Variants in RAP1GAP observed in about 807,000 individuals in gnomAD.
RAP1GAP encodes the protein rap1 GTPase-activating protein 1.
Under a neutral mutation model 87.2 loss-of-function variants are expected in RAP1GAP, and 35 were observed. That is an observed-to-expected ratio of 0.40 (90% CI 0.31 to 0.53). The LOEUF (loss-of-function observed/expected upper bound fraction) is 0.53, where lower values mean the gene tolerates loss of function less well. Ranked by LOEUF, RAP1GAP falls within the 20% of genes least tolerant of loss-of-function variation. The probability of loss-of-function intolerance (pLI) is 0.48; values close to 1 mark genes in which losing one functional copy is unlikely to be tolerated. For missense variants in RAP1GAP, 734 were observed against 898.9 expected (o/e 0.82, Z 2.35); for synonymous variants, 375 against 363.9 (o/e 1.03, Z -0.35).
intron 2 of RAP1GAP, among the ~76,000 whole-genome samples, chr1:21,644,926 A>G (rs2095886764): frequency 7.4e-6 from 1 of 136,022 alleles, no homozygotes; most frequent in Admixed American, 7.1e-5. Flanking sequence ...AAAAAGAGAA[A>G]AGAAAGAAAG....
Position 21,649,283 on chromosome 1 carries a change from G to A in RAP1GAP, c.-113+478C>T, listed in dbSNP as rs1002850071. ...GGGGTTCTGAGGGCTGTCGGGGGGA[G>A]TAACTAGAGGATTTGGGGGTCAGTA... is the stretch of plus-strand genomic sequence containing the variant. On this transcript the variant is annotated intron_variant, in intron 2 of 24. Transcript: ENST00000374765. Among the ~76,000 whole-genome samples, 42 of 152,270 alleles carry A rather than the reference G, an allele frequency of 2.8e-4. 1 individual carries two copies. The highest frequency in any genetic ancestry group is 8.9e-4 in the African/African-American group (37 of 41,554).
Position 21,637,190 on chromosome 1 carries a change from T to C in RAP1GAP, c.-112-10793A>G, listed in dbSNP as rs1415057303. On this transcript the variant is annotated intron_variant, in intron 2 of 24. Transcript: ENST00000374765. ...GTGGTGGTTGGGGGCAGGGTCTCACTTTGTCGCCCAGGGTGGAGTGCAGTG... is the reference window on the plus strand; with the variant it reads ...GTGGTGGTTGGGGGCAGGGTCTCACCTTGTCGCCCAGGGTGGAGTGCAGTG... 2.0e-5 allele frequency among the ~76,000 whole-genome samples: 3 copies of C among 150,156 alleles called. No homozygotes were observed. The East Asian group carries it at 5.8e-4, about 29-fold the overall frequency.
intron 7 of RAP1GAP, among the ~76,000 whole-genome samples, chr1:21,614,413 C>T (rs1174046074): frequency 1.3e-5 from 2 of 152,184 alleles, no homozygotes; most frequent in African/African-American, 4.8e-5. Context: ...TGGGTAGTAA[C>T]GCTGGATCTC....
At chr1:21,628,318 C>T (rs988821682) in intron 2 of RAP1GAP, among the ~76,000 whole-genome samples, 3 of 146,054 alleles carry the variant, frequency 2.1e-5, no homozygotes, top group Non-Finnish European at 3.0e-5. Flanking sequence ...TTTGGGAGGC[C>T]AAGGCGGGCA....
Position 21,669,289 on chromosome 1 carries a change from ACT to A in RAP1GAP, c.-186_-185del. ...GGGCCGGGGGCGTCCTGGGCTCGGCACTCTGGTGCCCGCGGCCGCCGCTGCAG... is the reference window on the plus strand; with the variant it reads ...GGGCCGGGGGCGTCCTGGGCTCGGCACTGGTGCCCGCGGCCGCCGCTGCAG... On this transcript the variant is annotated 5_prime_UTR_variant, in exon 1 of 25. Coordinates refer to ENST00000374765, the MANE Select transcript of RAP1GAP (RefSeq NM_002885.4). The surrounding 1 kb of genome is among the most constrained non-coding windows in gnomAD (Gnocchi z 5.6). 8.4e-7 allele frequency: 1 copy of A among 1,185,532 alleles called. No individual in the cohort carries two copies. The highest frequency in any genetic ancestry group is 1.1e-6 in the Non-Finnish European group (1 of 948,646). 73.4% of individuals were successfully genotyped at this position (1,185,532 alleles called of 1,614,324 possible).
In RAP1GAP at chr1:21,609,420, G is replaced by T. The variant is rs968664568; in HGVS notation, c.1071+155C>A. 2.0e-5 allele frequency among the ~76,000 whole-genome samples: 3 copies of T among 150,768 alleles called. No individual in the cohort carries two copies. Among genetic ancestry groups the T allele is most frequent in the Non-Finnish European group, 4.4e-5 (3 of 67,860 alleles). ...AAAAAAAAAAAGGTGTTTTCAAGAT[G>T]AATGGAAAAGCCAGGCCCCGGTTGC... On this transcript the variant is annotated intron_variant, in intron 15 of 24. Transcript: ENST00000374765. This position sits in a 1 kb window ranked among gnomAD's most constrained non-coding sequence, Gnocchi z 4.4.
intron 3 of RAP1GAP, among the ~76,000 whole-genome samples, chr1:21,625,060 T>C (rs1211083209): frequency 6.6e-6 from 1 of 152,218 alleles, no homozygotes; most frequent in African/African-American, 2.4e-5. Flanking sequence ...TGCCCCAGTC[T>C]TGGGCTGTTG....
At position 21,613,959 on chromosome 1, in the gene RAP1GAP, A is replaced by G. The variant is rs2080180527; in HGVS notation, c.395+27T>C. 2.6e-6 allele frequency: 4 copies of G among 1,519,846 alleles called. No individual in the cohort carries two copies. Among genetic ancestry groups the G allele is most frequent in the African/African-American group, 2.7e-5 (2 of 72,922 alleles). The allele number at this position is 1,519,846 out of a possible 1,614,324, so 94.1% of individuals were successfully genotyped here. On this transcript the variant is annotated intron_variant, in intron 8 of 24. Coordinates refer to ENST00000374765, the MANE Select transcript of RAP1GAP (RefSeq NM_002885.4). This position sits in a 1 kb window ranked among gnomAD's most constrained non-coding sequence, Gnocchi z 4.7. ...TTGTAAGACCTCAGCCCTTCCTGCC[A>G]TCTCAGGACTCCCCCACCACCCTCA...
chr1:21,611,970 G>A, intron 11 of RAP1GAP, 56 bp downstream of exon 11: 1 of 1,486,550 alleles, frequency 6.7e-7, no homozygotes, highest in Non-Finnish European at 9.2e-7. Context: ...GAAAAGGTGT[G>A]AGGCTCCAGA....
In RAP1GAP at chr1:21,626,333, G is replaced by T. The variant is rs2092035870; in HGVS notation, c.-48C>A. On this transcript the variant is annotated 5_prime_UTR_variant, in exon 3 of 25. Transcript: ENST00000374765. ...GGGTAGAGTGAAGGAGTATAGGAGG[G>T]AACTAAGTTCACTCGTGACAGGTCT... 2 of 1,612,048 alleles carry T rather than the reference G, an allele frequency of 1.2e-6. No individual in the cohort carries two copies. Among genetic ancestry groups the T allele is most frequent in the Non-Finnish European group, 1.7e-6 (2 of 1,178,344 alleles).
rs75419868 is a variant in RAP1GAP at position 21,644,307 on chromosome 1, G to A, written c.-113+5454C>T. ...TTTTGGTTCAAACACCCCCTCTTCAGAAAGGCTTTCCAGGACTCCTTCATT... is the reference window on the plus strand; with the variant it reads ...TTTTGGTTCAAACACCCCCTCTTCAAAAAGGCTTTCCAGGACTCCTTCATT... On this transcript the variant is annotated intron_variant, in intron 2 of 24. Transcript: ENST00000374765. 1.6e-4 allele frequency among the ~76,000 whole-genome samples: 25 copies of A among 152,284 alleles called. 1 individual carries two copies. The East Asian group carries it at 4.1e-3, about 25-fold the overall frequency.
chr1:21,620,424 G>T (rs1259212114), intron 3 of RAP1GAP, among the ~76,000 whole-genome samples: 1 of 152,218 alleles, frequency 6.6e-6, no homozygotes, highest in Non-Finnish European at 1.5e-5. Flanking sequence ...TCTCCCGGAA[G>T]GGGGCAAGGC....
intron 3 of RAP1GAP, 117 bp from the exon 4 acceptor site, chr1:21,620,167 C>T (rs2085910036): frequency 9.3e-7 from 1 of 1,072,996 alleles, no homozygotes; most frequent in African/African-American, 1.6e-5. Flanking sequence ...AGGCACCTGT[C>T]TGAGTAGCAA....
chr1:21,600,834 G>A (rs556146883), intron 20 of RAP1GAP, among the ~76,000 whole-genome samples: 3 of 133,528 alleles, frequency 2.2e-5, no homozygotes, highest in Admixed American at 8.5e-5. Context: ...GCAGTGAGCC[G>A]AGATTGTGCC....
chr1:21,613,461 G>A lies in RAP1GAP; in HGVS notation c.474+167C>T, dbSNP rs1247918073. Among the ~76,000 whole-genome samples, 3 of 152,188 alleles carry A rather than the reference G, an allele frequency of 2.0e-5. No individual in the cohort carries two copies. The highest frequency in any genetic ancestry group is 4.4e-5 in the Non-Finnish European group (3 of 68,034). ...AGGGGACGGGGGCCTAGGAGAACAC[G>A]TGGCAGCCCAAGACACGATGGGAAC... is the stretch of plus-strand genomic sequence containing the variant. On this transcript the variant is annotated intron_variant, in intron 9 of 24. Coordinates refer to ENST00000374765, the MANE Select transcript of RAP1GAP (RefSeq NM_002885.4). This position sits in a 1 kb window ranked among gnomAD's most constrained non-coding sequence, Gnocchi z 4.7.
At chr1:21,640,826 C>T (rs2095450716) in intron 2 of RAP1GAP, among the ~76,000 whole-genome samples, 2 of 152,214 alleles carry the variant, frequency 1.3e-5, no homozygotes, top group South Asian at 4.1e-4. Context: ...GCCCAGCTCA[C>T]TTGAGACTCA....
chr1:21,608,954 G>A lies in RAP1GAP; in HGVS notation c.1072-18C>T, dbSNP rs376168355. On this transcript the variant is annotated intron_variant, in intron 15 of 24. Coordinates refer to ENST00000374765, the MANE Select transcript of RAP1GAP (RefSeq NM_002885.4). The stretch of plus-strand genomic sequence containing the variant: ...TCAGGCCCCTGGAAACTCCCAGTGT[G>A]GAGGAGATAAGGAAGGGAAGTTGAG... 1.1e-5 allele frequency: 18 copies of A among 1,596,156 alleles called. No individual in the cohort carries two copies. The highest frequency in any genetic ancestry group is 1.5e-5 in the Non-Finnish European group (17 of 1,163,750).
In RAP1GAP at chr1:21,634,110, G is replaced by A. The variant is rs896930304; in HGVS notation, c.-112-7713C>T. On this transcript the variant is annotated intron_variant, in intron 2 of 24. Coordinates refer to ENST00000374765, the MANE Select transcript of RAP1GAP (RefSeq NM_002885.4). This position sits in a 1 kb window ranked among gnomAD's most constrained non-coding sequence, Gnocchi z 4.1. ...CATTGTTTTCTGAGCTCAACCAGCC[G>A]GCACTGCCCTCCCCTTGGCTTGCCC... Among the ~76,000 whole-genome samples the A allele has an allele frequency of 2.0e-4, 30 of 151,234 alleles. No individual in the cohort carries two copies. The highest frequency in any genetic ancestry group is 6.6e-4 in the African/African-American group (27 of 40,992).
chr1:21,629,624 G>A (rs1249752464), intron 2 of RAP1GAP, among the ~76,000 whole-genome samples: 1 of 152,236 alleles, frequency 6.6e-6, no homozygotes, highest in Non-Finnish European at 1.5e-5. Context: ...GGACAGAGAA[G>A]GAAACTGGAG....
Sources: allele counts gnomAD v4.1 joint callset (sites outside exome capture counted in the v4.1 genomes callset), GRCh38; gene constraint gnomAD v4.1.1; non-coding constraint Gnocchi (gnomAD v3.1); transcripts MANE v1.5; gene names NCBI Gene and HGNC (gene_info 2026-07-23, HGNC 2026-07-21).